Variants in ARHGEF3 observed in about 807,000 individuals in gnomAD.
The protein encoded by ARHGEF3 is Rho guanine nucleotide exchange factor 3.
A neutral mutation model predicts 63.2 loss-of-function variants in ARHGEF3; 28 were observed. The observed-to-expected ratio is 0.44, with a 90% CI of 0.33 to 0.61. The LOEUF (loss-of-function observed/expected upper bound fraction) is 0.61. Ranked by LOEUF, ARHGEF3 falls within the 20% of genes least tolerant of loss-of-function variation. The pLI is 0.03. For synonymous variants in ARHGEF3, 266 were observed against 254.2 expected (o/e 1.05, Z -0.44); for missense variants, 533 against 659.3 (o/e 0.81, Z 2.10).
intron 2 of ARHGEF3, among the ~76,000 whole-genome samples, chr3:57,027,802 T>C (rs1202525746): frequency 1.3e-5 from 2 of 151,946 alleles, no homozygotes; most frequent in African/African-American, 2.4e-5. Context: ...GAGGTTGCAG[T>C]GAGCCGAGAT....
chr3:56,953,317 G>A (rs1304612172), intron 3 of ARHGEF3, among the ~76,000 whole-genome samples: 1 of 152,214 alleles, frequency 6.6e-6, no homozygotes, highest in Non-Finnish European at 1.5e-5. Context: ...CTACAATGAG[G>A]TTTTGGCAAC....
Position 56,894,390 on chromosome 3 carries a change from C to T in ARHGEF3, c.130-12036G>A, listed in dbSNP as rs925341597. On this transcript the variant is annotated intron_variant, in intron 3 of 12. Transcript: ENST00000338458. ...TAGTGAAATTAATTTATCTGAGTATCCTACTGTTCCTGTGTTTCTATTGTC... is the reference window on the plus strand; with the variant it reads ...TAGTGAAATTAATTTATCTGAGTATTCTACTGTTCCTGTGTTTCTATTGTC... Among the ~76,000 whole-genome samples the T allele has an allele frequency of 3.9e-5, 6 of 152,246 alleles. No individual in the cohort carries two copies. The South Asian group carries it at 1.2e-3, about 32-fold the overall frequency.
intron 4 of ARHGEF3, among the ~76,000 whole-genome samples, chr3:56,752,656 G>C (rs1211597595): frequency 2.6e-5 from 4 of 152,220 alleles, no homozygotes; most frequent in Non-Finnish European, 5.9e-5. Context: ...GAAGGTGCTT[G>C]AGTTTGGCAA....
chr3:56,745,495 G>A (rs766954130), intron 6 of ARHGEF3, 33 bp from the exon 7 acceptor site: 1 of 1,606,492 alleles, frequency 6.2e-7, no homozygotes, highest in East Asian at 2.2e-5. Context: ...AGGTTGGAAT[G>A]TCAAAATAAT....
At chr3:56,738,421 C>T (rs1405862759) in intron 7 of ARHGEF3, among the ~76,000 whole-genome samples, 4 of 152,160 alleles carry the variant, frequency 2.6e-5, no homozygotes, top group Admixed American at 1.3e-4. Context: ...ATCCACCCAC[C>T]TCTGCCTTCC....
chr3:57,078,882 C>T (rs565473630), intron 1 of ARHGEF3: 3 of 216,432 alleles, frequency 1.4e-5, no homozygotes, highest in Non-Finnish European at 2.7e-5. Flanking sequence ...CGGGAATTTT[C>T]GCTCAAGGGG....
At chr3:56,758,535 C>G (rs188637830) in intron 2 of ARHGEF3, among the ~76,000 whole-genome samples, 1 of 152,110 alleles carries the variant, frequency 6.6e-6, no homozygotes, top group Non-Finnish European at 1.5e-5. Flanking sequence ...GGAAGCAGGA[C>G]GCTCACTCTG....
At chr3:56,806,629 C>T (rs2037869858), upstream of ARHGEF3, among the ~76,000 whole-genome samples, 1 of 152,168 alleles carries the variant, frequency 6.6e-6, no homozygotes, top group Non-Finnish European at 1.5e-5. Context: ...GAGCGGGGGT[C>T]ATTTGGGCTG....
At chr3:56,781,106 A>C (rs2036541274) in intron 1 of ARHGEF3, among the ~76,000 whole-genome samples, 1 of 152,188 alleles carries the variant, frequency 6.6e-6, no homozygotes, top group African/African-American at 2.4e-5. Flanking sequence ...GTGACAAGAG[A>C]GAGGTGGAGA....
chr3:56,839,733 G>C (rs1041609864), intron 4 of ARHGEF3, among the ~76,000 whole-genome samples: 13 of 152,176 alleles, frequency 8.5e-5, no homozygotes, highest in African/African-American at 3.1e-4. Context: ...TCACTGATTT[G>C]GTCTGGTTGC....
chr3:56,921,277 T>A (rs2042134547), intron 3 of ARHGEF3, among the ~76,000 whole-genome samples: 1 of 151,190 alleles, frequency 6.6e-6, no homozygotes, highest in Non-Finnish European at 1.5e-5. Flanking sequence ...GTGACCAAAT[T>A]AAAATAATAT....
chr3:57,017,032 T>TCTCTCA lies in ARHGEF3; in HGVS notation c.62+18055_62+18056insTGAGAG, dbSNP rs1221332567. Among the ~76,000 whole-genome samples the TCTCTCA allele has an allele frequency of 4.3e-3, 452 of 104,378 alleles. 2 individuals carry two copies. Among genetic ancestry groups the TCTCTCA allele is most frequent in the South Asian group, 0.016 (48 of 2,918 alleles). 68.5% of individuals were successfully genotyped at this position (104,378 alleles called of 152,430 possible). ...CTCTCTCTCTCTCTCTCTCTCTCTC[T>TCTCTCA]CACACACACACACACACACACACAC... On this transcript the variant is annotated intron_variant, in intron 2 of 12. Coordinates refer to the ARHGEF3 transcript ENST00000338458.
intron 1 of ARHGEF3, among the ~76,000 whole-genome samples, chr3:57,055,701 C>T (rs1272086193): frequency 6.6e-6 from 1 of 152,114 alleles, no homozygotes; most frequent in African/African-American, 2.4e-5. Context: ...ATCTCTGTTA[C>T]CTCCAGAGGA....
intron 3 of ARHGEF3, among the ~76,000 whole-genome samples, chr3:56,955,201 C>CT (rs1233554108): frequency 2.1e-4 from 27 of 127,456 alleles, no homozygotes; most frequent in Admixed American, 1.2e-3. Flanking sequence ...TTTTTCTTTT[C>CT]TTTTTTTTTC....
intron 2 of ARHGEF3, among the ~76,000 whole-genome samples, chr3:56,990,929 C>T (rs1403049030): frequency 6.6e-6 from 1 of 152,144 alleles, no homozygotes; most frequent in African/African-American, 2.4e-5. Context: ...GAGCCGTGTA[C>T]ACTCAGCTTT....
At chr3:56,846,940 G>A (rs989290754) in intron 4 of ARHGEF3, among the ~76,000 whole-genome samples, 1 of 152,154 alleles carries the variant, frequency 6.6e-6, no homozygotes, top group Non-Finnish European at 1.5e-5. Context: ...GTTCTTACAG[G>A]ATTTATTTAC....
intron 1 of ARHGEF3, among the ~76,000 whole-genome samples, chr3:57,052,708 T>A (rs937240901): frequency 6.6e-6 from 1 of 152,124 alleles, no homozygotes; most frequent in Non-Finnish European, 1.5e-5. Context: ...AAATTCACAG[T>A]ATGCTTGCAT....
At chr3:56,774,688 T>G (rs1442169146) in intron 1 of ARHGEF3, among the ~76,000 whole-genome samples, 1 of 152,002 alleles carries the variant, frequency 6.6e-6, no homozygotes, top group Non-Finnish European at 1.5e-5. Context: ...GATCACGAGG[T>G]CAGGAGTTCA....
At chr3:56,806,424 G>A (rs2037863942), upstream of ARHGEF3, among the ~76,000 whole-genome samples, 1 of 152,228 alleles carries the variant, frequency 6.6e-6, no homozygotes, top group African/African-American at 2.4e-5. Context: ...GCTCTAACAG[G>A]CAGCTTCACT....
Sources: allele counts gnomAD v4.1 joint callset (sites outside exome capture counted in the v4.1 genomes callset), GRCh38; gene constraint gnomAD v4.1.1; transcripts MANE v1.5; gene names NCBI Gene and HGNC (gene_info 2026-07-23, HGNC 2026-07-21).